Variants in RCL1 observed in about 807,000 individuals in gnomAD.
RCL1 encodes RNA 3'-terminal phosphate cyclase-like protein.
Under a neutral mutation model 42.4 loss-of-function variants are expected in RCL1, and 24 were observed. The ratio of observed to expected loss-of-function variants is 0.57; its 90% confidence interval spans 0.41 to 0.80. The LOEUF is 0.80. Among genes scored for constraint, RCL1 ranks in the 30% least tolerant of loss-of-function variants. RCL1 has a pLI of 0.00. For missense variants in RCL1, 578 were observed against 467.9 expected (o/e 1.24, Z -2.17); for synonymous variants, 228 against 177.3 (o/e 1.29, Z -2.27).
At chr9:4,823,281 ATTTTTTT>A (rs3038449) in intron 1 of RCL1, among the ~76,000 whole-genome samples, 1 of 134,798 alleles carries the variant, frequency 7.4e-6, no homozygotes. Flanking sequence ...TGGTGGAGCT[ATTTTTTT>A]TTTTTTTTTT....
Position 4,793,188 on chromosome 9 carries a change from C to G in RCL1, c.97C>G (p.Arg33Gly), listed in dbSNP as rs1035115030. The G allele has an allele frequency of 1.2e-6, 2 of 1,609,580 alleles. No homozygotes were observed. Among genetic ancestry groups the G allele is most frequent in the Admixed American group, 1.7e-5 (1 of 59,522 alleles). ...STLSGRPVKI[R>G]KIRARDDNPG... ...CCTGAGCGGGCGCCCCGTCAAAATCCGAAAGATTCGGGCCAGAGACGACAA... is the reference window on the plus strand; with the variant it reads ...CCTGAGCGGGCGCCCCGTCAAAATCGGAAAGATTCGGGCCAGAGACGACAA... The change falls in exon 1 of 9, where the codon CGA becomes GGA. Residue 33 changes from arginine (R) to glycine (G), a missense_variant. Coordinates refer to ENST00000381750, the MANE Select transcript of RCL1 (RefSeq NM_005772.5).
chr9:4,852,006 C>A (rs999426511), intron 8 of RCL1, among the ~76,000 whole-genome samples: 1 of 151,998 alleles, frequency 6.6e-6, no homozygotes, highest in Non-Finnish European at 1.5e-5. Flanking sequence ...CTCAGCCTCC[C>A]GAGTAGCTGG....
chr9:4,839,760 A>G (rs1316491519), intron 5 of RCL1: 1 of 970,716 alleles, frequency 1.0e-6, no homozygotes, highest in Non-Finnish European at 1.2e-6. Context: ...TGTATTGGAG[A>G]GTTGGGAGGG....
chr9:4,816,166 T>A (rs1054039389), intron 1 of RCL1, among the ~76,000 whole-genome samples: 2 of 152,220 alleles, frequency 1.3e-5, no homozygotes, highest in African/African-American at 4.8e-5. Context: ...TTTTATGAAG[T>A]CTCCATTCAG....
intron 3 of RCL1, chr9:4,827,258 T>C (rs1247399208): frequency 1.4e-6 from 2 of 1,466,202 alleles, no homozygotes; most frequent in Non-Finnish European, 1.8e-6. Context: ...GTGCCTTTTG[T>C]TGTTACCTAA....
At chr9:4,812,846 T>A (rs1816228454) in intron 1 of RCL1, among the ~76,000 whole-genome samples, 1 of 152,136 alleles carries the variant, frequency 6.6e-6, no homozygotes, top group Admixed American at 6.5e-5. Flanking sequence ...GTAAATGCGA[T>A]TGCTTATTGA....
Position 4,793,088 on chromosome 9 carries a change from G to C in RCL1, c.-4G>C, listed in dbSNP as rs1842855226. 6.2e-7 allele frequency: 1 copy of C among 1,607,730 alleles called. No homozygotes were observed. The highest frequency in any genetic ancestry group is 1.7e-5 in the Admixed American group (1 of 59,358). Reference sequence around the variant, plus strand: ...CTGCTCACGTCTCTTCGGAGAGCGCGCACATGGCGACTCAGGCGCACTCCC... The same window carrying C: ...CTGCTCACGTCTCTTCGGAGAGCGCCCACATGGCGACTCAGGCGCACTCCC... On this transcript the variant is annotated 5_prime_UTR_variant, in exon 1 of 9. Transcript: ENST00000381750.
chr9:4,827,756 GCA>G (rs1253381441), intron 3 of RCL1, among the ~76,000 whole-genome samples: 129 of 108,908 alleles, frequency 1.2e-3, no homozygotes, highest in Middle Eastern at 8.3e-3. Context: ...GTGTGTGTGT[GCA>G]CGCGTGTGTG....
chr9:4,848,910 G>A lies in RCL1; in HGVS notation c.868-537G>A, dbSNP rs926841146. Among the ~76,000 whole-genome samples, 31 of 152,142 alleles carry A rather than the reference G, an allele frequency of 2.0e-4. 1 individual carries two copies. The highest frequency in any genetic ancestry group is 6.8e-4 in the African/African-American group (28 of 41,414). On this transcript the variant is annotated intron_variant, in intron 7 of 8. Transcript: ENST00000381750. ...TTAAGGAACTCAGGAAGAGATAAAG[G>A]AGAGAAGTTAATAGAGTATGGCAAG...
intron 1 of RCL1, among the ~76,000 whole-genome samples, chr9:4,813,078 G>A (rs1334923379): frequency 1.3e-5 from 2 of 152,082 alleles, no homozygotes; most frequent in African/African-American, 2.4e-5. Flanking sequence ...TTGCCTAATT[G>A]CTTTGGCTAG....
chr9:4,833,515 G>A (rs907009749), intron 4 of RCL1, among the ~76,000 whole-genome samples: 2 of 152,190 alleles, frequency 1.3e-5, no homozygotes, highest in Non-Finnish European at 1.5e-5. Context: ...CTCCGCCCAT[G>A]TGCCTCAGCT....
At position 4,837,743 on chromosome 9, in the gene RCL1, A is replaced by C. The variant is rs117027148; in HGVS notation, c.584+3478A>C. 1.7e-3 allele frequency among the ~76,000 whole-genome samples: 252 copies of C among 152,234 alleles called. 1 individual carries two copies. The highest frequency in any genetic ancestry group is 5.4e-3 in the African/African-American group (225 of 41,526). ...AGTGCCGGGCACCTTGGGTGTAACT[A>C]TGTTCCTCCCTGGCTTCTCCCTCTA... On this transcript the variant is annotated intron_variant, in intron 5 of 8. Transcript: ENST00000381750.
intron 6 of RCL1, among the ~76,000 whole-genome samples, chr9:4,843,811 C>G (rs1252713838): frequency 6.6e-6 from 1 of 152,164 alleles, no homozygotes; most frequent in Non-Finnish European, 1.5e-5. Flanking sequence ...GACACCCTCT[C>G]ACTTCTGCTG....
intron 1 of RCL1, among the ~76,000 whole-genome samples, chr9:4,806,019 T>A (rs796675643): frequency 1.2e-5 from 1 of 86,656 alleles, no homozygotes; most frequent in South Asian, 5.2e-4. Context: ...ACCATTGGGG[T>A]GTGTGTGTGT....
At chr9:4,835,301 A>G (rs1817085508) in intron 5 of RCL1, among the ~76,000 whole-genome samples, 1 of 152,202 alleles carries the variant, frequency 6.6e-6, no homozygotes, top group Admixed American at 6.5e-5. Context: ...AAGAGTGGGG[A>G]AGAGAATAAA....
chr9:4,815,217 TTCTCCTCCTG>T (rs143564537), intron 1 of RCL1, among the ~76,000 whole-genome samples: 1,818 of 152,286 alleles, frequency 0.012, 43 homozygotes, highest in African/African-American at 0.041. Context: ...GCTTCCTTTT[TTCTCCTCCTG>T]GAACTTTCAT....
chr9:4,812,135 G>C (rs1202866667), intron 1 of RCL1, among the ~76,000 whole-genome samples: 1 of 151,816 alleles, frequency 6.6e-6, no homozygotes, highest in African/African-American at 2.4e-5. Context: ...TTCTTTCATA[G>C]CTTCACTCCA....
chr9:4,819,934 G>A (rs1563838039), intron 1 of RCL1, among the ~76,000 whole-genome samples: 1 of 152,130 alleles, frequency 6.6e-6, no homozygotes, highest in Non-Finnish European at 1.5e-5. Flanking sequence ...TAAAAGTAGT[G>A]CATAAGAGAT....
At chr9:4,850,240 C>T (rs1817685543) in intron 8 of RCL1, 3 of 511,400 alleles carry the variant, frequency 5.9e-6, no homozygotes, top group Admixed American at 3.9e-5. Context: ...CATCATATGG[C>T]CCATCTGAGG....
Sources: gnomAD v4.1 joint callset for allele counts (sites outside exome capture counted in the v4.1 genomes callset) on GRCh38, gnomAD v4.1.1 for gene constraint, MANE v1.5 for transcripts, NCBI Gene and HGNC (gene_info 2026-07-23, HGNC 2026-07-21) for gene names.